MOXD1: variants seen among roughly 807,000 people sequenced by gnomAD.
The protein encoded by MOXD1 is monooxygenase DBH like 1.
In MOXD1, 62 loss-of-function variants were observed where a neutral mutation model predicts 66.6. That is an observed-to-expected ratio of 0.93 (90% confidence interval 0.76 to 1.15). The LOEUF (loss-of-function observed/expected upper bound fraction) is 1.15, where lower values mean the gene tolerates loss of function less well. Among genes scored for constraint, MOXD1 ranks in the 50% most tolerant of loss-of-function variants. The pLI is 0.00. For synonymous variants in MOXD1, 303 were observed against 281.9 expected, an observed-to-expected ratio of 1.07 and a Z score of -0.75; for missense variants, 847 against 754.6, an observed-to-expected ratio of 1.12 and a Z score of -1.44.
At chr6:132,300,070 A>AAT (rs1774498117) in intron 10 of MOXD1, among the ~76,000 whole-genome samples, 1 of 152,080 alleles carries the variant, frequency 6.6e-6, no homozygotes, top group South Asian at 2.1e-4. Flanking sequence ...GAAAATAGGT[A>AAT]ATATATATAG....
chr6:132,318,535 T>C (rs1171620816), intron 9 of MOXD1, among the ~76,000 whole-genome samples: 3 of 152,098 alleles, frequency 2.0e-5, no homozygotes, highest in Non-Finnish European at 4.4e-5. Context: ...CTTCTGTTAC[T>C]GACTTATGGA....
chr6:132,385,421 A>T (rs979877816), intron 1 of MOXD1, among the ~76,000 whole-genome samples: 1 of 151,248 alleles, frequency 6.6e-6, no homozygotes, highest in African/African-American at 2.4e-5. Context: ...AGATTTCAAA[A>T]CTTATACATA....
At chr6:132,346,573 A>G (rs1775672853) in intron 4 of MOXD1, among the ~76,000 whole-genome samples, 1 of 152,228 alleles carries the variant, frequency 6.6e-6, no homozygotes, top group African/African-American at 2.4e-5. Flanking sequence ...AAGGTCTAGA[A>G]TTCACTGGCC....
At chr6:132,301,029 A>C (rs1481858774) in intron 10 of MOXD1, among the ~76,000 whole-genome samples, 3 of 152,126 alleles carry the variant, frequency 2.0e-5, no homozygotes, top group Non-Finnish European at 2.9e-5. Context: ...TTTTTCAAAA[A>C]GACTAAGCTT....
chr6:132,367,761 A>T (rs1474780712), intron 4 of MOXD1, among the ~76,000 whole-genome samples: 1 of 152,130 alleles, frequency 6.6e-6, no homozygotes, highest in African/African-American at 2.4e-5. Flanking sequence ...TTCCATTAGG[A>T]GGCACCATTT....
chr6:132,355,748 A>G (rs1371138544), intron 4 of MOXD1, among the ~76,000 whole-genome samples: 2 of 152,192 alleles, frequency 1.3e-5, no homozygotes, highest in Admixed American at 1.3e-4. Context: ...CCAGCTACAA[A>G]CAGAAGAACC....
At chr6:132,376,916 T>A (rs1280180730) in intron 1 of MOXD1, among the ~76,000 whole-genome samples, 1 of 152,208 alleles carries the variant, frequency 6.6e-6, no homozygotes, top group Non-Finnish European at 1.5e-5. Flanking sequence ...TTTTTCCATT[T>A]TACAGATGAA....
chr6:132,368,566 T>C (rs1432650965), intron 4 of MOXD1, among the ~76,000 whole-genome samples: 1 of 152,084 alleles, frequency 6.6e-6, no homozygotes, highest in Non-Finnish European at 1.5e-5. Flanking sequence ...TATAATCCTA[T>C]CTTTTCTAGA....
chr6:132,372,917 C>T lies in MOXD1; in HGVS notation c.492G>A (p.Arg164=). ...EAGPKYHDSN[R]GTKSLRLLNP... ...TCAATAACCGCAAACTCTTGGTGCC[C>T]CTATTGGAGTCATGGTACTTGGGAC... Residue 164 remains arginine, a synonymous_variant, in exon 3 of 12, where the codon AGG becomes AGA. Coordinates refer to ENST00000367963, the MANE Select transcript of MOXD1 (RefSeq NM_015529.4). The T allele has an allele frequency of 6.2e-7, 1 of 1,613,928 alleles. No individual in the cohort carries two copies. Among genetic ancestry groups the T allele is most frequent in the South Asian group, 1.1e-5 (1 of 91,070 alleles).
chr6:132,341,512 T>G (rs1257184183), intron 4 of MOXD1, among the ~76,000 whole-genome samples: 1 of 152,218 alleles, frequency 6.6e-6, no homozygotes, highest in Non-Finnish European at 1.5e-5. Flanking sequence ...ACTTTTCACC[T>G]TGTTAATCTG....
intron 1 of MOXD1, among the ~76,000 whole-genome samples, chr6:132,375,683 G>A (rs570461335): frequency 6.6e-6 from 1 of 152,150 alleles, no homozygotes; most frequent in Non-Finnish European, 1.5e-5. Flanking sequence ...GCCTCCCAAA[G>A]TGCTGGGATT....
At chr6:132,327,347 C>T (rs1377481833) in intron 6 of MOXD1, among the ~76,000 whole-genome samples, 3 of 152,128 alleles carry the variant, frequency 2.0e-5, no homozygotes, top group Non-Finnish European at 4.4e-5. Flanking sequence ...TTTTCACTCA[C>T]TCTATATCCT....
intron 1 of MOXD1, among the ~76,000 whole-genome samples, chr6:132,383,475 G>A (rs1288747257): frequency 2.0e-5 from 3 of 152,192 alleles, no homozygotes; most frequent in African/African-American, 7.2e-5. Flanking sequence ...TATGAACCCT[G>A]TAGCTAGTGT....
At chr6:132,386,296 G>A (rs1451913735) in intron 1 of MOXD1, among the ~76,000 whole-genome samples, 12 of 147,668 alleles carry the variant, frequency 8.1e-5, no homozygotes, top group African/African-American at 2.8e-4. Flanking sequence ...CAGCTACTTG[G>A]GAGGCTGAGG....
intron 1 of MOXD1, among the ~76,000 whole-genome samples, chr6:132,380,888 ATGT>A (rs1211446141): frequency 1.3e-5 from 2 of 152,196 alleles, no homozygotes; most frequent in Non-Finnish European, 2.9e-5. Context: ...AAATCTGGGA[ATGT>A]TGTTGTGACC....
At chr6:132,331,488 A>G (rs1003456465) in intron 4 of MOXD1, among the ~76,000 whole-genome samples, 2 of 151,710 alleles carry the variant, frequency 1.3e-5, no homozygotes, top group African/African-American at 4.8e-5. Flanking sequence ...AACTTTTAAG[A>G]GCAAGTGCTT....
At chr6:132,396,806 T>C (rs1004356654) in intron 1 of MOXD1, among the ~76,000 whole-genome samples, 1 of 152,138 alleles carries the variant, frequency 6.6e-6, no homozygotes, top group Non-Finnish European at 1.5e-5. Flanking sequence ...TCATACAACC[T>C]ACCAAGACTG....
At chr6:132,373,468 TCCTAGGCACTAG>T (rs1439668972) in intron 2 of MOXD1, among the ~76,000 whole-genome samples, 12 of 152,366 alleles carry the variant, frequency 7.9e-5, no homozygotes, top group African/African-American at 2.9e-4. Flanking sequence ...GTAGATGTTT[TCCTAGGCACTAG>T]CCTAGTCACA....
At chr6:132,337,200 C>G (rs985067836) in intron 4 of MOXD1, among the ~76,000 whole-genome samples, 6 of 152,136 alleles carry the variant, frequency 3.9e-5, no homozygotes, top group Non-Finnish European at 8.8e-5. Flanking sequence ...CTTTCTTTTT[C>G]TGAAACTAGT....
Sources: allele counts gnomAD v4.1 joint callset (sites outside exome capture counted in the v4.1 genomes callset), GRCh38; gene constraint gnomAD v4.1.1; transcripts MANE v1.5; gene names NCBI Gene and HGNC (gene_info 2026-07-23, HGNC 2026-07-21).